AKT3: variants seen among roughly 807,000 people sequenced by gnomAD.
The protein encoded by AKT3 is AKT serine/threonine kinase 3, also known as RAC-gamma serine/threonine-protein kinase.
A neutral mutation model predicts 65.3 loss-of-function variants in AKT3; 15 were observed. The ratio of observed to expected loss-of-function variants is 0.23; its 90% CI spans 0.15 to 0.35. The LOEUF is 0.35. AKT3 is among the 10% of genes least tolerant of loss of function. The probability of loss-of-function intolerance (pLI) is 1.00; values close to 1 mark genes in which losing one functional copy is unlikely to be tolerated. For synonymous variants in AKT3, 206 were observed against 183.8 expected, an observed-to-expected ratio of 1.12 and a Z score of -0.98; for missense variants, 243 against 576.5, an observed-to-expected ratio of 0.42 and a Z score of 5.92.
intron 2 of AKT3, among the ~76,000 whole-genome samples, chr1:243,726,221 T>C (rs917662491): frequency 6.6e-6 from 1 of 152,208 alleles, no homozygotes; most frequent in Non-Finnish European, 1.5e-5. Flanking sequence ...GCCAAATCCA[T>C]TTCAATTATT....
chr1:243,815,211 T>C (rs1693433500), intron 2 of AKT3, among the ~76,000 whole-genome samples: 1 of 152,182 alleles, frequency 6.6e-6, no homozygotes, highest in African/African-American at 2.4e-5. Flanking sequence ...ATCTCTCTCC[T>C]TTTACATTTT....
intron 2 of AKT3, among the ~76,000 whole-genome samples, chr1:243,825,624 G>A (rs1694121405): frequency 6.6e-6 from 1 of 152,128 alleles, no homozygotes; most frequent in South Asian, 2.1e-4. Context: ...TGTAAAACCT[G>A]TGACTATCCG....
chr1:243,530,928 C>T (rs1671480411), intron 12 of AKT3, among the ~76,000 whole-genome samples: 1 of 152,116 alleles, frequency 6.6e-6, no homozygotes, highest in Non-Finnish European at 1.5e-5. Flanking sequence ...CTAGTTTAAG[C>T]ATTAAGAGTA....
intron 4 of AKT3, among the ~76,000 whole-genome samples, chr1:243,655,874 C>T (rs1191206531): frequency 6.6e-6 from 1 of 152,010 alleles, no homozygotes; most frequent in Non-Finnish European, 1.5e-5. Context: ...AGCAGGTAAC[C>T]CAAAAGGAAA....
chr1:243,507,333 A>G (rs1174103557), intron 13 of AKT3, among the ~76,000 whole-genome samples: 1 of 152,244 alleles, frequency 6.6e-6, no homozygotes, highest in African/African-American at 2.4e-5. Flanking sequence ...TCATTCTGTC[A>G]CTTCAGTAAC....
intron 2 of AKT3, among the ~76,000 whole-genome samples, chr1:243,806,416 C>G (rs1394055472): frequency 2.6e-5 from 4 of 152,256 alleles, no homozygotes; most frequent in Non-Finnish European, 5.9e-5. Context: ...AATCAAGACA[C>G]TTCATATACC....
At chr1:243,786,654 T>C (rs934069750) in intron 2 of AKT3, among the ~76,000 whole-genome samples, 4 of 151,868 alleles carry the variant, frequency 2.6e-5, no homozygotes, top group African/African-American at 7.3e-5. Context: ...AACCAGTCAA[T>C]CATGAAACTT....
intron 2 of AKT3, among the ~76,000 whole-genome samples, chr1:243,734,198 G>C (rs1687714568): frequency 6.6e-6 from 1 of 152,172 alleles, no homozygotes; most frequent in Non-Finnish European, 1.5e-5. Flanking sequence ...ATTTATGAAG[G>C]AGTGAATCAA....
At chr1:243,810,389 TA>T (rs756050502) in intron 2 of AKT3, among the ~76,000 whole-genome samples, 12 of 152,134 alleles carry the variant, frequency 7.9e-5, no homozygotes, top group Admixed American at 2.6e-4. Context: ...CAGAGAATAC[TA>T]TAAACACCTC....
intron 2 of AKT3, among the ~76,000 whole-genome samples, chr1:243,739,360 T>C (rs367899528): frequency 2.0e-5 from 3 of 152,336 alleles, no homozygotes; most frequent in Middle Eastern, 3.4e-3. Flanking sequence ...TTTACACCTA[T>C]AATATAGGTC....
chr1:243,720,413 A>G (rs1283149572), intron 2 of AKT3, among the ~76,000 whole-genome samples: 1 of 148,774 alleles, frequency 6.7e-6, no homozygotes, highest in Non-Finnish European at 1.5e-5. Flanking sequence ...CTTTTTGATG[A>G]GACCAAAAGA....
chr1:243,748,793 T>G (rs961143217), intron 2 of AKT3, among the ~76,000 whole-genome samples: 1 of 152,168 alleles, frequency 6.6e-6, no homozygotes, highest in Non-Finnish European at 1.5e-5. Flanking sequence ...CATAGGCTAT[T>G]AAAAATTGCC....
chr1:243,656,188 T>C (rs1325159596), intron 4 of AKT3, among the ~76,000 whole-genome samples: 2 of 152,128 alleles, frequency 1.3e-5, no homozygotes, highest in Admixed American at 6.5e-5. Context: ...AATCTTTTTA[T>C]TCCTAAATAA....
chr1:243,568,015 T>A (rs929238116), intron 9 of AKT3, among the ~76,000 whole-genome samples: 1 of 152,202 alleles, frequency 6.6e-6, no homozygotes, highest in African/African-American at 2.4e-5. Flanking sequence ...CATTTAACAC[T>A]AACATAATGT....
At chr1:243,709,093 T>C (rs1419023554) in intron 2 of AKT3, among the ~76,000 whole-genome samples, 1 of 148,026 alleles carries the variant, frequency 6.8e-6, no homozygotes. Flanking sequence ...CTTATCAAAG[T>C]TTTTTTTTTA....
At chr1:243,531,431 C>A (rs2148413664) in intron 12 of AKT3, among the ~76,000 whole-genome samples, 1 of 152,292 alleles carries the variant, frequency 6.6e-6, no homozygotes, top group African/African-American at 2.4e-5. Context: ...ATGATTCAAG[C>A]AAATATTGTC....
At chr1:243,757,593 A>G (rs6674314) in intron 2 of AKT3, among the ~76,000 whole-genome samples, 41,058 of 151,650 alleles carry the variant, frequency 0.27, 6,557 homozygotes, top group African/African-American at 0.44. Flanking sequence ...ACTCCAGCCC[A>G]GGCAGCAAAG....
intron 2 of AKT3, among the ~76,000 whole-genome samples, chr1:243,746,035 A>G (rs530860238): frequency 1.3e-5 from 2 of 152,258 alleles, no homozygotes; most frequent in East Asian, 3.9e-4. Context: ...GGTATCAAAA[A>G]CTTCAAAAAA....
intron 1 of AKT3, among the ~76,000 whole-genome samples, chr1:243,848,310 C>A (rs1421292710): frequency 6.6e-6 from 1 of 152,174 alleles, no homozygotes; most frequent in Non-Finnish European, 1.5e-5. Context: ...CAATTACAGT[C>A]CGGATATATA....
Sources: gnomAD v4.1 joint callset for allele counts (sites outside exome capture counted in the v4.1 genomes callset) on GRCh38, gnomAD v4.1.1 for gene constraint, MANE v1.5 for transcripts, NCBI Gene and HGNC (gene_info 2026-07-23, HGNC 2026-07-21) for gene names.